CEP63: variants seen among roughly 807,000 people sequenced by gnomAD.
CEP63 encodes centrosomal protein of 63 kDa.
In CEP63, 84 loss-of-function variants were observed where a neutral mutation model predicts 89.1. The observed-to-expected ratio is 0.94, with a 90% CI of 0.79 to 1.13. CEP63 has a LOEUF of 1.13. Ranked by LOEUF, CEP63 falls within the 50% of genes most tolerant of loss-of-function variation. The pLI is 0.00. For synonymous variants in CEP63, 267 were observed against 272.5 expected, an observed-to-expected ratio of 0.98 and a Z score of 0.20; for missense variants, 838 against 813.3, an observed-to-expected ratio of 1.03 and a Z score of -0.37.
the CEP63 span, among the ~76,000 whole-genome samples, chr3:134,712,828 G>T: frequency 5.3e-4 from 81 of 152,292 alleles, no homozygotes; most frequent in African/African-American, 1.9e-3. Flanking sequence ...GTTTTCCAGA[G>T]AATACTTTTG....
the CEP63 span, among the ~76,000 whole-genome samples, chr3:134,725,783 G>A: frequency 2.0e-5 from 3 of 152,138 alleles, no homozygotes; most frequent in Non-Finnish European, 2.9e-5. Context: ...TCTCCTTCCA[G>A]CAGGCTTTCT....
At chr3:134,639,010 G>A in the CEP63 span, among the ~76,000 whole-genome samples, 2 of 133,426 alleles carry the variant, frequency 1.5e-5, no homozygotes, top group Non-Finnish European at 3.2e-5. Flanking sequence ...TAAGGTGTTT[G>A]TTAACTTTTT....
At chr3:134,650,992 G>T in the CEP63 span, 3 of 1,612,352 alleles carry the variant, frequency 1.9e-6, no homozygotes, top group South Asian at 3.3e-5. Context: ...TGGGCGCCGC[G>T]GCCGCACGCT....
the CEP63 span, among the ~76,000 whole-genome samples, chr3:134,648,312 G>A: frequency 2.0e-5 from 3 of 152,182 alleles, no homozygotes; most frequent in East Asian, 3.9e-4. Flanking sequence ...ACCACTCAGG[G>A]GCCGCCACTC....
chr3:134,700,264 G>A, the CEP63 span, among the ~76,000 whole-genome samples: 5 of 152,072 alleles, frequency 3.3e-5, no homozygotes, highest in African/African-American at 7.2e-5. Context: ...TTCCTGCCGC[G>A]CTGGCCCTGG....
the CEP63 span, among the ~76,000 whole-genome samples, chr3:134,661,202 G>A: frequency 1.2e-3 from 177 of 152,250 alleles, no homozygotes; most frequent in African/African-American, 3.8e-3. Flanking sequence ...CCACTCCACC[G>A]CATACTTGAG....
the CEP63 span, among the ~76,000 whole-genome samples, chr3:134,635,266 G>A: frequency 6.6e-6 from 1 of 152,140 alleles, no homozygotes; most frequent in Non-Finnish European, 1.5e-5. Context: ...GGAGGCCGAG[G>A]TGGGTGGATC....
chr3:134,486,242 C>T (rs1350675630), intron 1 of CEP63, 40 bp downstream of exon 1: 1 of 985,382 alleles, frequency 1.0e-6, no homozygotes, highest in Non-Finnish European at 1.2e-6. Context: ...TGCGGCAACC[C>T]TGTAACCGCC....
the CEP63 span, among the ~76,000 whole-genome samples, chr3:134,676,042 A>G: frequency 6.6e-6 from 1 of 152,246 alleles, no homozygotes; most frequent in Non-Finnish European, 1.5e-5. Flanking sequence ...GTATACACCC[A>G]AGAGAAGTGA....
At chr3:134,621,723 C>T in the CEP63 span, among the ~76,000 whole-genome samples, 1 of 151,916 alleles carries the variant, frequency 6.6e-6, no homozygotes, top group Non-Finnish European at 1.5e-5. Flanking sequence ...AAAGGGCATT[C>T]GTGAAAATAA....
At chr3:134,538,884 A>G (rs1951426053) in intron 6 of CEP63, among the ~76,000 whole-genome samples, 2 of 152,190 alleles carry the variant, frequency 1.3e-5, no homozygotes, top group African/African-American at 2.4e-5. Flanking sequence ...TATTGACTCT[A>G]TGTAATTAAA....
chr3:134,595,893 A>G, the CEP63 span, among the ~76,000 whole-genome samples: 1 of 152,138 alleles, frequency 6.6e-6, no homozygotes, highest in Non-Finnish European at 1.5e-5. Context: ...TTTCCAATAT[A>G]TCAACGGTCT....
chr3:134,542,015 A>G (rs1488489265), intron 6 of CEP63, among the ~76,000 whole-genome samples: 2 of 152,166 alleles, frequency 1.3e-5, no homozygotes, highest in African/African-American at 4.8e-5. Flanking sequence ...TTGCCTACAT[A>G]ATGCAAAGGA....
chr3:134,516,788 G>A (rs1281683436), intron 3 of CEP63, among the ~76,000 whole-genome samples: 1 of 152,176 alleles, frequency 6.6e-6, no homozygotes, highest in Non-Finnish European at 1.5e-5. Context: ...AGCATCTCAA[G>A]GCAGAAGAAT....
chr3:134,699,255 A>G, the CEP63 span, among the ~76,000 whole-genome samples: 199 of 152,356 alleles, frequency 1.3e-3, 2 homozygotes, highest in African/African-American at 4.6e-3. Flanking sequence ...TCCAGTCCTT[A>G]GAAAGCAGCA....
At chr3:134,531,537 G>A (rs1949851587) in intron 3 of CEP63, among the ~76,000 whole-genome samples, 1 of 152,102 alleles carries the variant, frequency 6.6e-6, no homozygotes. Context: ...AGCCAAGATT[G>A]CACCACTGCA....
chr3:134,602,290 T>C, the CEP63 span, among the ~76,000 whole-genome samples: 1 of 152,014 alleles, frequency 6.6e-6, no homozygotes, highest in African/African-American at 2.4e-5. Context: ...TTTCCTCCGT[T>C]GCCATGGCAA....
At chr3:134,703,938 C>T in the CEP63 span, among the ~76,000 whole-genome samples, 3 of 152,180 alleles carry the variant, frequency 2.0e-5, no homozygotes, top group African/African-American at 7.2e-5. Context: ...GGTTAGGCTG[C>T]TCTCCTGCTC....
At chr3:134,596,926 T>C in the CEP63 span, among the ~76,000 whole-genome samples, 1 of 152,190 alleles carries the variant, frequency 6.6e-6, no homozygotes, top group African/African-American at 2.4e-5. Context: ...TGGGCTGGCC[T>C]GATCCACAAA....
Sources: gnomAD v4.1 joint callset for allele counts (sites outside exome capture counted in the v4.1 genomes callset) on GRCh38, gnomAD v4.1.1 for gene constraint, MANE v1.5 for transcripts, NCBI Gene and HGNC (gene_info 2026-07-23, HGNC 2026-07-21) for gene names.